GNG11: variants seen among roughly 807,000 people sequenced by gnomAD.
The protein encoded by GNG11 is G protein subunit gamma 11, also known as guanine nucleotide-binding protein G(I)/G(S)/G(O) subunit gamma-11.
GNG11 carries 6 observed loss-of-function variants against 7.4 expected under a neutral mutation model. The ratio of observed to expected loss-of-function variants is 0.81; its 90% CI spans 0.44 to 1.60. The LOEUF is 1.60. Ranked by LOEUF, GNG11 falls within the 40% of genes most tolerant of loss-of-function variation. The pLI, the probability that GNG11 is intolerant of heterozygous loss-of-function variation, is 0.01. For missense variants in GNG11, 65 were observed against 83.0 expected, an observed-to-expected ratio of 0.78 and a Z score of 0.84; for synonymous variants, 31 against 25.9, an observed-to-expected ratio of 1.20 and a Z score of -0.60.
chr7:93,926,346 A>AACCCTATCTATAT lies in GNG11; in HGVS notation c.*130_*131insACCCTATCTATAT. ...AGACTTTCTTAAGCACCATATAGATAGGGTTATGTATAAAAGCATATGTGC... is the reference window on the plus strand; with the variant it reads ...AGACTTTCTTAAGCACCATATAGATAACCCTATCTATATGGGTTATGTATAAAAGCATATGTGC... On this transcript the variant is annotated 3_prime_UTR_variant, in exon 2 of 2. Coordinates refer to ENST00000248564, the MANE Select transcript of GNG11 (RefSeq NM_004126.4). The AACCCTATCTATAT allele has an allele frequency of 1.5e-6, 1 of 646,754 alleles. No homozygotes were observed. Among genetic ancestry groups the AACCCTATCTATAT allele is most frequent in the Non-Finnish European group, 2.6e-6 (1 of 382,874 alleles). 40.1% of individuals were successfully genotyped at this position (646,754 alleles called of 1,614,324 possible). A position where few individuals can be genotyped will look rare whatever the true frequency, so the allele number is the denominator to read the frequency against.
In GNG11 at chr7:93,927,108, T is replaced by A. The variant is rs916558267; in HGVS notation, c.*892T>A. 2.0e-5 allele frequency: 3 copies of A among 152,294 alleles called. No homozygotes were observed. The highest frequency in any genetic ancestry group is 2.9e-5 in the Non-Finnish European group (2 of 68,088). 9.4% of individuals were successfully genotyped at this position (152,294 alleles called of 1,614,324 possible). A position where few individuals can be genotyped will look rare whatever the true frequency, so the allele number is the denominator to read the frequency against. ...CAGGCCTGGGCCAAACATGCCTTTT[T>A]TTCTTCTCCTCCAAAGGAACCAGTG... On this transcript the variant is annotated 3_prime_UTR_variant, in exon 2 of 2. Transcript: ENST00000248564.
chr7:93,924,667 A>G (rs1004952509), intron 1 of GNG11, among the ~76,000 whole-genome samples: 3 of 152,222 alleles, frequency 2.0e-5, no homozygotes, highest in African/African-American at 7.2e-5. Flanking sequence ...TCACCCATTT[A>G]TAATTTCCAG....
chr7:93,922,443 T>G (rs1267392802), intron 1 of GNG11, among the ~76,000 whole-genome samples: 1 of 152,254 alleles, frequency 6.6e-6, no homozygotes, highest in African/African-American at 2.4e-5. Flanking sequence ...TGATAAGTAA[T>G]TTAAGGCCAA....
intron 1 of GNG11, among the ~76,000 whole-genome samples, chr7:93,925,446 T>A (rs905451076): frequency 6.6e-6 from 1 of 152,212 alleles, no homozygotes; most frequent in African/African-American, 2.4e-5. Context: ...CTCAGATAAG[T>A]CTTTTATTAT....
At position 93,926,743 on chromosome 7, in the gene GNG11, T is replaced by A. The variant is rs1794685007; in HGVS notation, c.*527T>A. The stretch of plus-strand genomic sequence containing the variant: ...CTATTAAGAAACTGAGCAGGTAGAA[T>A]TCCTATAACATTGACAGAAGTCAGA... On this transcript the variant is annotated 3_prime_UTR_variant, in exon 2 of 2. Coordinates refer to ENST00000248564, the MANE Select transcript of GNG11 (RefSeq NM_004126.4). The A allele has an allele frequency of 6.6e-6, 1 of 152,272 alleles. No individual in the cohort carries two copies. The highest frequency in any genetic ancestry group is 1.5e-5 in the Non-Finnish European group (1 of 68,074). The allele number at this position is 152,272 out of a possible 1,614,324, so 9.4% of individuals were successfully genotyped here. A position where few individuals can be genotyped will look rare whatever the true frequency, so the allele number is the denominator to read the frequency against.
intron 1 of GNG11, among the ~76,000 whole-genome samples, chr7:93,925,610 G>A (rs188883571): frequency 3.3e-5 from 5 of 152,174 alleles, no homozygotes; most frequent in East Asian, 1.9e-4. Flanking sequence ...AGTGAGAATC[G>A]TGGCATTACA....
chr7:93,927,615 G>T lies in GNG11; in HGVS notation c.*1399G>T, dbSNP rs1020403563. On this transcript the variant is annotated 3_prime_UTR_variant, in exon 2 of 2. Coordinates refer to ENST00000248564, the MANE Select transcript of GNG11 (RefSeq NM_004126.4). ...ATGTAGGTATACCTTACTATCAAGC[G>T]AGAGAGGCGCCTGTAACCTGTAGCA... is the stretch of plus-strand genomic sequence containing the variant. 1 of 152,160 alleles carries T rather than the reference G, an allele frequency of 6.6e-6. No individual in the cohort carries two copies. Among genetic ancestry groups the T allele is most frequent in the African/African-American group, 2.4e-5 (1 of 41,428 alleles). 9.4% of individuals were successfully genotyped at this position (152,160 alleles called of 1,614,324 possible).
At chr7:93,922,634 A>AAT (rs1371775922) in intron 1 of GNG11, among the ~76,000 whole-genome samples, 1 of 152,208 alleles carries the variant, frequency 6.6e-6, no homozygotes, top group Admixed American at 6.5e-5. Flanking sequence ...CCGTATTTTA[A>AAT]AGTCTTACAA....
At chr7:93,925,468 T>C (rs1003947060) in intron 1 of GNG11, among the ~76,000 whole-genome samples, 10 of 152,180 alleles carry the variant, frequency 6.6e-5, no homozygotes, top group African/African-American at 2.2e-4. Context: ...ATCATTGCCC[T>C]CATGCAGCAG....
At chr7:93,925,811 A>G (rs1794670784) in intron 1 of GNG11, among the ~76,000 whole-genome samples, 1 of 152,190 alleles carries the variant, frequency 6.6e-6, no homozygotes, top group Non-Finnish European at 1.5e-5. Context: ...AGTGACTTTC[A>G]AACATTTTTT....
intron 1 of GNG11, among the ~76,000 whole-genome samples, chr7:93,924,978 C>T (rs1272361047): frequency 6.6e-5 from 10 of 152,150 alleles, no homozygotes; most frequent in South Asian, 2.1e-4. Flanking sequence ...TGCTGGCTAA[C>T]GTGGTGAAAC....
chr7:93,924,203 G>A (rs1037257377), intron 1 of GNG11, among the ~76,000 whole-genome samples: 5 of 152,210 alleles, frequency 3.3e-5, no homozygotes, highest in Admixed American at 3.3e-4. Flanking sequence ...GACAAAACTT[G>A]CAAGTTGCAT....
At chr7:93,923,200 G>A (rs1171632311) in intron 1 of GNG11, among the ~76,000 whole-genome samples, 1 of 152,178 alleles carries the variant, frequency 6.6e-6, no homozygotes, top group Non-Finnish European at 1.5e-5. Flanking sequence ...TGGAAATGAA[G>A]CGTTATAATA....
chr7:93,923,344 T>A (rs973602185), intron 1 of GNG11, among the ~76,000 whole-genome samples: 1 of 152,216 alleles, frequency 6.6e-6, no homozygotes, highest in Non-Finnish European at 1.5e-5. Context: ...AATTTAACCT[T>A]TCACATCCAA....
At chr7:93,926,062 A>T in intron 1 of GNG11, 29 bp from the exon 2 acceptor site, 1 of 1,396,494 alleles carries the variant, frequency 7.2e-7, no homozygotes, top group Non-Finnish European at 9.8e-7. Context: ...CCCTAACCTA[A>T]TGTATTCTCT....
chr7:93,924,186 A>G (rs1794647853), intron 1 of GNG11, among the ~76,000 whole-genome samples: 1 of 152,346 alleles, frequency 6.6e-6, no homozygotes, highest in Non-Finnish European at 1.5e-5. Flanking sequence ...TCCTTAACTT[A>G]GGCCCAGACA....
At position 93,926,097 on chromosome 7, in the gene GNG11, A is replaced by T; in HGVS notation, c.103A>T (p.Lys35Ter). 1 of 1,523,222 alleles carries T rather than the reference A, an allele frequency of 6.6e-7. No homozygotes were observed. The highest frequency in any genetic ancestry group is 8.9e-7 in the Non-Finnish European group (1 of 1,122,964). The allele number at this position is 1,523,222 out of a possible 1,614,324, so 94.4% of individuals were successfully genotyped here. The change falls in exon 2 of 2, where the codon AAA becomes TAA. Residue 35 changes from lysine to a stop codon, truncating the protein, a stop_gained. Coordinates refer to ENST00000248564, the MANE Select transcript of GNG11 (RefSeq NM_004126.4). LOFTEE classifies it high-confidence loss of function. ...EVKLQRQQVS[K>*]CSEEIKNYIE... ...TTTTTTTTCTATACTTAAGGTGTCT[A>T]AATGTTCTGAAGAAATAAAGAACTA... is the stretch of plus-strand genomic sequence containing the variant.
chr7:93,925,874 A>G (rs1427925063), intron 1 of GNG11, among the ~76,000 whole-genome samples: 1 of 151,952 alleles, frequency 6.6e-6, no homozygotes, highest in Non-Finnish European at 1.5e-5. Context: ...GTTGCATCAT[A>G]GGTATAGTAA....
In GNG11 at chr7:93,922,206, C is replaced by G; in HGVS notation, c.69C>G (p.Arg23=). 1.3e-6 allele frequency: 2 copies of G among 1,591,194 alleles called. No individual in the cohort carries two copies. Among genetic ancestry groups the G allele is most frequent in the Non-Finnish European group, 1.7e-6 (2 of 1,164,268 alleles). Reference sequence around the variant, plus strand: ...TGAAAATGGAAGTTGAGCAGCTTCGCAAAGAAGTGAAGTTGCAGAGACAAC... The same window carrying G: ...TGAAAATGGAAGTTGAGCAGCTTCGGAAAGAAGTGAAGTTGCAGAGACAAC... The part of the protein sequence containing the change: ...EKLKMEVEQL[R]KEVKLQRQQV... Residue 23 remains arginine (R), a synonymous_variant, in exon 1 of 2, where the codon CGC becomes CGG. Transcript: ENST00000248564.
Sources: allele counts gnomAD v4.1 joint callset (sites outside exome capture counted in the v4.1 genomes callset), GRCh38; gene constraint gnomAD v4.1.1; transcripts MANE v1.5; gene names NCBI Gene and HGNC (gene_info 2026-07-23, HGNC 2026-07-21).